Variants in RAPGEF2 observed in about 807,000 individuals in gnomAD.
The protein encoded by RAPGEF2 is Rap guanine nucleotide exchange factor 2.
In RAPGEF2, 54 loss-of-function variants were observed where a neutral mutation model predicts 186.7. That is an observed-to-expected ratio of 0.29 (90% CI 0.23 to 0.36). The LOEUF is 0.36. Among genes scored for constraint, RAPGEF2 ranks in the 10% least tolerant of loss-of-function variants. The pLI, the probability that RAPGEF2 is intolerant of heterozygous loss-of-function variation, is 1.00. For synonymous variants in RAPGEF2, 712 were observed against 705.9 expected (o/e 1.01, Z -0.14); for missense variants, 1,532 against 2,045.0 (o/e 0.75, Z 4.84).
intron 3 of RAPGEF2, among the ~76,000 whole-genome samples, chr4:159,205,468 G>A (rs1749869541): frequency 6.6e-6 from 1 of 152,094 alleles, no homozygotes; most frequent in African/African-American, 2.4e-5. Flanking sequence ...TGCAGTTAAC[G>A]TACCTAGCCT....
At position 159,230,175 on chromosome 4, in the gene RAPGEF2, C is replaced by T. The variant is rs528001972; in HGVS notation, c.282-8634C>T. ...TTAAAACACATATACCATACTTCTC[C>T]CTTCCACCACCACCTTTTCCTACTT... On this transcript the variant is annotated intron_variant, in intron 4 of 29. Transcript: ENST00000691494. Among the ~76,000 whole-genome samples the T allele has an allele frequency of 2.6e-5, 4 of 152,268 alleles. No individual in the cohort carries two copies. In the South Asian group the frequency reaches 8.3e-4, roughly 32 times the overall value.
chr4:159,140,620 G>A (rs929358732), intron 1 of RAPGEF2, among the ~76,000 whole-genome samples: 4 of 152,190 alleles, frequency 2.6e-5, no homozygotes, highest in East Asian at 3.9e-4. Context: ...TCTAATTACC[G>A]GGGGATCAAG....
rs10084972 is a variant in RAPGEF2, at chr4:159,342,573, T to A, written c.2919-406T>A. On this transcript the variant is annotated intron_variant, in intron 20 of 29. Transcript: ENST00000691494. ...TTTATATTATTTTATTTTATTTTAT[T>A]TTATTTTATTTTATTTTATTTTATT... Among the ~76,000 whole-genome samples, 1,011 of 139,476 alleles carry A rather than the reference T, an allele frequency of 7.2e-3. 6 individuals carry two copies. Among genetic ancestry groups the A allele is most frequent in the African/African-American group, 0.025 (908 of 36,472 alleles). 91.5% of individuals were successfully genotyped at this position (139,476 alleles called of 152,430 possible). A position where few individuals can be genotyped will look rare whatever the true frequency, so the allele number is the denominator to read the frequency against.
At chr4:159,318,352 T>A (rs1220377514) in intron 9 of RAPGEF2, among the ~76,000 whole-genome samples, 1 of 152,208 alleles carries the variant, frequency 6.6e-6, no homozygotes, top group East Asian at 1.9e-4. Flanking sequence ...AACCTTTATA[T>A]AAAATACAAA....
At chr4:159,176,620 A>G in intron 1 of RAPGEF2, among the ~76,000 whole-genome samples, 1 of 152,196 alleles carries the variant, frequency 6.6e-6, no homozygotes, top group East Asian at 1.9e-4. Context: ...AATATATACA[A>G]AATTTTAATT....
At chr4:159,116,872 G>T (rs1183164847) in intron 1 of RAPGEF2, among the ~76,000 whole-genome samples, 1 of 152,060 alleles carries the variant, frequency 6.6e-6, no homozygotes, top group Non-Finnish European at 1.5e-5. Context: ...GGACACTGGG[G>T]CCTGTCAGTG....
chr4:159,281,272 G>C (rs1245323783), intron 7 of RAPGEF2, among the ~76,000 whole-genome samples: 2 of 152,036 alleles, frequency 1.3e-5, no homozygotes, highest in Admixed American at 6.5e-5. Flanking sequence ...TTACAGGTGT[G>C]AGCCACCGCA....
intron 9 of RAPGEF2, among the ~76,000 whole-genome samples, chr4:159,320,186 A>G (rs1765073552): frequency 6.6e-6 from 1 of 152,180 alleles, no homozygotes; most frequent in Non-Finnish European, 1.5e-5. Context: ...AAGCTGCAGA[A>G]TTAACTGGGA....
At chr4:159,355,730 T>C (rs1458924520) in intron 28 of RAPGEF2, 123 bp from the exon 29 acceptor site, 3 of 931,776 alleles carry the variant, frequency 3.2e-6, no homozygotes, top group Non-Finnish European at 4.8e-6. Flanking sequence ...CTCTAACCGA[T>C]ACCATGCAAA....
rs143039824 is a variant in RAPGEF2 at position 159,135,957 on chromosome 4, A to G, written c.69+31726A>G. On this transcript the variant is annotated intron_variant, in intron 1 of 29. Coordinates refer to ENST00000691494, the MANE Select transcript of RAPGEF2 (RefSeq NM_001394067.2). ...CAGAAAAATTGCCAAAATAGTACAG[A>G]GAGTTTCCATATGTATACCTGACAC... is the stretch of plus-strand genomic sequence containing the variant. 3.0e-4 allele frequency among the ~76,000 whole-genome samples: 45 copies of G among 152,324 alleles called. No homozygotes were observed. The East Asian group carries it at 8.7e-3, about 29-fold the overall frequency.
chr4:159,247,722 A>G (rs917422223), intron 7 of RAPGEF2, among the ~76,000 whole-genome samples: 2 of 145,030 alleles, frequency 1.4e-5, no homozygotes, highest in African/African-American at 5.0e-5. Flanking sequence ...TTTAGGTGGT[A>G]TTCAGGGAGA....
chr4:159,258,398 G>A (rs1001172881), intron 7 of RAPGEF2, among the ~76,000 whole-genome samples: 1 of 152,068 alleles, frequency 6.6e-6, no homozygotes, highest in African/African-American at 2.4e-5. Flanking sequence ...TCTATATTGA[G>A]ATGGTCTTCT....
At chr4:159,106,183 A>T (rs1220715337) in intron 1 of RAPGEF2, among the ~76,000 whole-genome samples, 1 of 152,236 alleles carries the variant, frequency 6.6e-6, no homozygotes, top group Non-Finnish European at 1.5e-5. Context: ...AAGGCAGCCC[A>T]TTTGCCCTAC....
chr4:159,355,072 G>T (rs1018896555), intron 28 of RAPGEF2, among the ~76,000 whole-genome samples: 2 of 152,104 alleles, frequency 1.3e-5, no homozygotes, highest in Non-Finnish European at 2.9e-5. Context: ...ATATTCTTAG[G>T]TTGGACTTTT....
At chr4:159,342,231 C>A (rs1261818465) in intron 20 of RAPGEF2, among the ~76,000 whole-genome samples, 2 of 151,190 alleles carry the variant, frequency 1.3e-5, no homozygotes, top group Non-Finnish European at 3.0e-5. Context: ...ATATCCCCCA[C>A]TTTTTTTTTA....
intron 1 of RAPGEF2, among the ~76,000 whole-genome samples, chr4:159,111,277 T>A (rs1228196558): frequency 1.3e-5 from 2 of 152,220 alleles, no homozygotes; most frequent in East Asian, 3.8e-4. Flanking sequence ...TTGGGAGAGT[T>A]AGTGTCAGTG....
At chr4:159,198,334 CTTTT>C (rs142277266) in intron 3 of RAPGEF2, among the ~76,000 whole-genome samples, 1 of 84,010 alleles carries the variant, frequency 1.2e-5, no homozygotes, top group African/African-American at 6.5e-5. Context: ...TTCTTTCTTT[CTTTT>C]TCTTTCTCTC....
At chr4:159,206,579 A>T (rs1055897729) in intron 3 of RAPGEF2, among the ~76,000 whole-genome samples, 1 of 152,156 alleles carries the variant, frequency 6.6e-6, no homozygotes, top group African/African-American at 2.4e-5. Context: ...TTACATACAC[A>T]TGTAAAAACC....
At chr4:159,183,119 C>G (rs1467741181) in intron 1 of RAPGEF2, among the ~76,000 whole-genome samples, 1 of 152,178 alleles carries the variant, frequency 6.6e-6, no homozygotes, top group African/African-American at 2.4e-5. Context: ...CCAGAAAAAT[C>G]TCTTGTGAAA....
Sources: gnomAD v4.1 joint callset for allele counts (sites outside exome capture counted in the v4.1 genomes callset) on GRCh38, gnomAD v4.1.1 for gene constraint, MANE v1.5 for transcripts, NCBI Gene and HGNC (gene_info 2026-07-23, HGNC 2026-07-21) for gene names.